The following PTOV1 variants were observed in gnomAD, a reference collection of about 807,000 sequenced individuals.
PTOV1 encodes the protein prostate tumor-overexpressed gene 1 protein.
A neutral mutation model predicts 58.0 loss-of-function variants in PTOV1; 20 were observed. The ratio of observed to expected loss-of-function variants is 0.34; its 90% CI spans 0.24 to 0.50. The LOEUF (loss-of-function observed/expected upper bound fraction) is 0.50, where lower values mean the gene tolerates loss of function less well. Among genes scored for constraint, PTOV1 ranks in the 20% least tolerant of loss-of-function variants. The pLI is 0.98. For synonymous variants in PTOV1, 335 were observed against 234.2 expected (o/e 1.43, Z -3.93); for missense variants, 593 against 565.4 (o/e 1.05, Z -0.50).
At position 49,854,556 on chromosome 19, in the gene PTOV1, G is replaced by T. The variant is rs1040241071; in HGVS notation, c.309+13G>T. ...CGAGTGGCAGGAGGTGAGTCTCTGT[G>T]GGGCTGCGGCTGGCCTCCAGGGTCT... On this transcript the variant is annotated intron_variant, in intron 2 of 11. Coordinates refer to ENST00000391842, the Ensembl canonical transcript of PTOV1. The T allele has an allele frequency of 6.2e-7, 1 of 1,612,624 alleles. No individual in the cohort carries two copies. Among genetic ancestry groups the T allele is most frequent in the South Asian group, 1.1e-5 (1 of 91,056 alleles).
At chr19:49,857,383 G>T in intron 6 of PTOV1, 2 of 620,854 alleles carry the variant, frequency 3.2e-6, no homozygotes, top group South Asian at 3.9e-5. Flanking sequence ...GAGCTGGGCA[G>T]GGGTTGGGAT....
chr19:49,860,518 C>G, exon 12 of PTOV1: 1 of 644,076 alleles, frequency 1.6e-6, no homozygotes, highest in Non-Finnish European at 2.6e-6. Context: ...GAGGTGGTAT[C>G]CAGGCCTGGG....
intron 1 of PTOV1, chr19:49,852,890 G>C (rs1227920163): frequency 6.6e-6 from 1 of 152,208 alleles, no homozygotes; most frequent in African/African-American, 2.4e-5. Flanking sequence ...ACCTCCAGCT[G>C]TGCGTTTTAA....
At chr19:49,860,462 C>G in exon 12 of PTOV1, 3 of 924,198 alleles carry the variant, frequency 3.2e-6, no homozygotes, top group Non-Finnish European at 4.7e-6. Flanking sequence ...GCAGTCCCAG[C>G]GGTCCTAGGC....
intron 10 of PTOV1, 31 bp from the exon 11 acceptor site, chr19:49,859,955 G>A (rs1426716675): frequency 3.1e-6 from 5 of 1,612,526 alleles, no homozygotes; most frequent in East Asian, 2.2e-5. Context: ...CTGTGGTGCT[G>A]TCTGGTGACA....
At chr19:49,860,622 C>T (rs981848654) in exon 12 of PTOV1, 1 of 482,468 alleles carries the variant, frequency 2.1e-6, no homozygotes, top group Non-Finnish European at 3.7e-6. Flanking sequence ...AGGTGACACG[C>T]TTCTGAGCAG....
chr19:49,858,090 G>A (rs1250521287), exon 9 of PTOV1: 1 of 1,613,910 alleles, frequency 6.2e-7, no homozygotes, highest in South Asian at 1.1e-5. Context: ...AGCTGTACAT[G>A]CAGCTCATCC....
At chr19:49,855,304 G>C in intron 5 of PTOV1, 1 of 564,336 alleles carries the variant, frequency 1.8e-6, no homozygotes, top group Non-Finnish European at 3.2e-6. Flanking sequence ...TCTGTGCCCA[G>C]CTTCGAGGTG....
At chr19:49,855,118 T>TA (rs1568641932) in intron 5 of PTOV1, 41 bp downstream of exon 5, 1 of 1,519,268 alleles carries the variant, frequency 6.6e-7, no homozygotes, top group Non-Finnish European at 9.0e-7. Flanking sequence ...TGGTGACAAG[T>TA]ACAGCTGGAG....
rs1360410619 is a variant in PTOV1 at position 49,856,223 on chromosome 19, T to C, written c.559-752T>C. 2.0e-5 allele frequency: 3 copies of C among 151,908 alleles called. No individual in the cohort carries two copies. The East Asian group carries it at 5.8e-4, about 29-fold the overall frequency. The allele number at this position is 151,908 out of a possible 1,614,324, so 9.4% of individuals were successfully genotyped here. ...CCGAGTACCCAGTCTGTAGGGAAAG[T>C]GGACATCCATACTCACCCCCCAGGC... On this transcript the variant is annotated intron_variant, in intron 5 of 11. Transcript: ENST00000391842.
exon 1 of PTOV1, chr19:49,851,278 GC>G (rs1439341430): frequency 1.8e-6 from 2 of 1,081,984 alleles, no homozygotes; most frequent in Non-Finnish European, 2.2e-6. Context: ...GGAGCCCGCA[GC>G]CCCCCTTGTG....
chr19:49,858,423 G>A (rs1401777988), intron 9 of PTOV1, 126 bp from the exon 10 acceptor site: 5 of 767,784 alleles, frequency 6.5e-6, no homozygotes, highest in South Asian at 5.0e-5. Flanking sequence ...TGGAGATGAC[G>A]TTTCCTGAGG....
chr19:49,851,284 C>G (rs960306735), exon 1 of PTOV1: 1 of 1,075,116 alleles, frequency 9.3e-7, no homozygotes, highest in Non-Finnish European at 1.1e-6. Flanking sequence ...CGCAGCCCCC[C>G]TTGTGGCCCG....
chr19:49,851,184 T>C (rs537098715), exon 1 of PTOV1: 1 of 1,218,832 alleles, frequency 8.2e-7, no homozygotes, highest in Non-Finnish European at 1.0e-6. Context: ...GCGACCCCAC[T>C]CCGGCGGCGC....
chr19:49,860,105 C>G, exon 11 of PTOV1: 1 of 1,614,214 alleles, frequency 6.2e-7, no homozygotes, highest in Non-Finnish European at 8.5e-7. Context: ...GCAACTTTGT[C>G]AACGGCATCC....
chr19:49,857,637 C>CA, intron 6 of PTOV1, 56 bp from the exon 7 acceptor site: 2 of 1,523,966 alleles, frequency 1.3e-6, no homozygotes, highest in Non-Finnish European at 1.8e-6. Flanking sequence ...CCAGGACAGA[C>CA]AGACAGGTTT....
chr19:49,853,016 C>T (rs925554516), intron 1 of PTOV1: 1 of 152,108 alleles, frequency 6.6e-6, no homozygotes, highest in African/African-American at 2.4e-5. Flanking sequence ...GATCTTCTGA[C>T]GACTGCCCAA....
exon 12 of PTOV1, chr19:49,860,369 CCCTGGGGCA>C (rs1378235511): frequency 7.0e-7 from 1 of 1,430,884 alleles, no homozygotes; most frequent in Non-Finnish European, 9.5e-7. Flanking sequence ...ACAGGAGGGA[CCCTGGGGCA>C]TGTGGGGGGG....
At chr19:49,851,169 C>T (rs992781065) in exon 1 of PTOV1, 2 of 1,240,084 alleles carry the variant, frequency 1.6e-6, no homozygotes, top group Non-Finnish European at 2.0e-6. Context: ...AGTGGTTCGG[C>T]CGCGGCGACC....
Sources: gnomAD v4.1 joint callset for allele counts on GRCh38, gnomAD v4.1.1 for gene constraint, MANE v1.5 for transcripts, NCBI Gene and HGNC (gene_info 2026-07-23, HGNC 2026-07-21) for gene names.